Variants in CCDC112 observed in about 807,000 individuals in gnomAD.
The protein encoded by CCDC112 is coiled-coil domain-containing protein 112.
Under a neutral mutation model 66.3 loss-of-function variants are expected in CCDC112, and 40 were observed. The ratio of observed to expected loss-of-function variants is 0.60; its 90% confidence interval spans 0.47 to 0.79. The LOEUF (loss-of-function observed/expected upper bound fraction) is 0.79. Among genes scored for constraint, CCDC112 ranks in the 30% least tolerant of loss-of-function variants. The pLI is 0.00. For synonymous variants in CCDC112, 214 were observed against 197.2 expected, an observed-to-expected ratio of 1.09 and a Z score of -0.71; for missense variants, 659 against 603.8, an observed-to-expected ratio of 1.09 and a Z score of -0.96.
chr5:115,284,323 C>G (rs987799656), intron 2 of CCDC112, among the ~76,000 whole-genome samples: 4 of 152,090 alleles, frequency 2.6e-5, no homozygotes, highest in Non-Finnish European at 1.5e-5. Flanking sequence ...CTATGATCCT[C>G]AACATCCTCA....
Position 115,268,637 on chromosome 5 carries a change from A to T in CCDC112, c.1547+245T>A, listed in dbSNP as rs185937204. 6.1e-5 allele frequency among the ~76,000 whole-genome samples: 9 copies of T among 147,608 alleles called. No homozygotes were observed. The East Asian group carries it at 9.8e-4, about 16-fold the overall frequency. ...ACCTGAAAGGCAAATATATATATAT[A>T]TTTTTCATATATATATGAAAAAATA... On this transcript the variant is annotated intron_variant, in intron 9 of 9. Transcript: ENST00000379611.
chr5:115,295,910 C>T, intron 1 of CCDC112: 1 of 985,626 alleles, frequency 1.0e-6, no homozygotes, highest in Non-Finnish European at 1.2e-6. Flanking sequence ...ACAAAGATAC[C>T]TTGTCCTCAC....
intron 2 of CCDC112, 147 bp downstream of exon 2, chr5:115,284,640 C>A (rs1030279336): frequency 2.0e-5 from 10 of 512,534 alleles, no homozygotes; most frequent in Non-Finnish European, 3.4e-5. Context: ...TCATACCTCC[C>A]ATCTTTCTCT....
chr5:115,294,329 TG>T (rs983133711), intron 1 of CCDC112, among the ~76,000 whole-genome samples: 1 of 152,178 alleles, frequency 6.6e-6, no homozygotes, highest in East Asian at 1.9e-4. Context: ...GTCATTAAGG[TG>T]GGGACCTAAT....
At chr5:115,295,717 G>A (rs538092859) in intron 1 of CCDC112, among the ~76,000 whole-genome samples, 11 of 152,236 alleles carry the variant, frequency 7.2e-5, no homozygotes, top group African/African-American at 2.6e-4. Flanking sequence ...TTCTCATGGG[G>A]GTGCGAGGGA....
Position 115,296,463 on chromosome 5 carries a change from G to A in CCDC112, c.81C>T (p.Thr27=). 3 of 1,559,250 alleles carry A rather than the reference G, an allele frequency of 1.9e-6. No individual in the cohort carries two copies. Among genetic ancestry groups the A allele is most frequent in the Middle Eastern group, 2.0e-4 (1 of 4,918 alleles). The change falls in exon 1 of 10, where the codon ACC becomes ACT. Residue 27 remains threonine (T), a synonymous_variant. Transcript: ENST00000379611. ...AGAVAGAGAA[T]GTGVGATPAP... Reference sequence around the variant, plus strand: ...CTGGCGTCGCTCCCACGCCGGTCCCGGTGGCCGCGCCCGCCCCTGCCACAG... The same window carrying A: ...CTGGCGTCGCTCCCACGCCGGTCCCAGTGGCCGCGCCCGCCCCTGCCACAG...
intron 1 of CCDC112, among the ~76,000 whole-genome samples, chr5:115,287,006 G>A (rs1251704166): frequency 2.0e-5 from 3 of 152,076 alleles, no homozygotes; most frequent in Non-Finnish European, 4.4e-5. Flanking sequence ...TTAGACATAC[G>A]ACTTGTAAAT....
chr5:115,269,047 T>A (rs750229658), intron 8 of CCDC112, 47 bp from the exon 9 acceptor site: 20 of 1,109,564 alleles, frequency 1.8e-5, no homozygotes, highest in Middle Eastern at 4.0e-4. Flanking sequence ...CAAACTCAGT[T>A]TGTACTAGTA....
At chr5:115,270,286 G>A (rs528429415) in intron 7 of CCDC112, among the ~76,000 whole-genome samples, 20 of 152,068 alleles carry the variant, frequency 1.3e-4, no homozygotes, top group Admixed American at 3.3e-4. Flanking sequence ...GTTTTTGTCC[G>A]TTATTTTTCT....
intron 1 of CCDC112, among the ~76,000 whole-genome samples, chr5:115,290,357 C>T (rs1029320640): frequency 4.6e-5 from 7 of 152,104 alleles, no homozygotes; most frequent in African/African-American, 1.7e-4. Context: ...TATGCCAGTA[C>T]CATAGTTTGA....
At chr5:115,274,216 A>G (rs554856390) in intron 6 of CCDC112, among the ~76,000 whole-genome samples, 23 of 152,302 alleles carry the variant, frequency 1.5e-4, no homozygotes, top group African/African-American at 5.3e-4. Flanking sequence ...ATAATTAAGG[A>G]GACATTATAA....
In CCDC112 at chr5:115,267,832, T is replaced by C. The variant is rs990795257; in HGVS notation, c.*44A>G. ...TAGTCACTCTCTCCCTGGTATAACTTAGTATGTTAACATTCTTATCAACTG... is the reference window on the plus strand; with the variant it reads ...TAGTCACTCTCTCCCTGGTATAACTCAGTATGTTAACATTCTTATCAACTG... On this transcript the variant is annotated 3_prime_UTR_variant, in exon 10 of 10. Transcript: ENST00000379611. 6.9e-7 allele frequency: 1 copy of C among 1,444,364 alleles called. No individual in the cohort carries two copies. The highest frequency in any genetic ancestry group is 9.7e-7 in the Non-Finnish European group (1 of 1,026,032). The allele number at this position is 1,444,364 out of a possible 1,614,324, so 89.5% of individuals were successfully genotyped here.
At chr5:115,275,957 G>A (rs1393950986) in intron 5 of CCDC112, 37 bp downstream of exon 5, 8 of 1,375,640 alleles carry the variant, frequency 5.8e-6, no homozygotes, top group Middle Eastern at 1.9e-4. Flanking sequence ...AAAAATAAAG[G>A]TCAATAATTT....
At chr5:115,272,658 C>T (rs1749055886) in intron 6 of CCDC112, among the ~76,000 whole-genome samples, 1 of 152,190 alleles carries the variant, frequency 6.6e-6, no homozygotes, top group Admixed American at 6.5e-5. Context: ...GCAGGCTTCT[C>T]CATGCCATTT....
Position 115,296,385 on chromosome 5 carries a change from C to T in CCDC112, c.117+42G>A, listed in dbSNP as rs766170145. 28 of 1,545,256 alleles carry T rather than the reference C, an allele frequency of 1.8e-5. No homozygotes were observed. The East Asian group carries it at 5.5e-4, about 30-fold the overall frequency. ...CCTGTTCAGCCAGGGCCTGCAGCCC[C>T]TCGCCTGCCGCCAGAGCAGCTCTCG... is the stretch of plus-strand genomic sequence containing the variant. On this transcript the variant is annotated intron_variant, in intron 1 of 9. Coordinates refer to ENST00000379611, the MANE Select transcript of CCDC112 (RefSeq NM_001040440.3).
chr5:115,290,325 CTA>C (rs1749868442), intron 1 of CCDC112, among the ~76,000 whole-genome samples: 1 of 152,184 alleles, frequency 6.6e-6, no homozygotes, highest in Admixed American at 6.5e-5. Context: ...TCTCATTGAT[CTA>C]TATGTCTATT....
chr5:115,267,943 T>C (rs765184666), intron 9 of CCDC112, 25 bp from the exon 10 acceptor site: 5 of 1,584,302 alleles, frequency 3.2e-6, no homozygotes, highest in East Asian at 2.2e-5. Context: ...AGAAAAGCAA[T>C]TGTAAATATG....
At chr5:115,290,182 G>C (rs531727569) in intron 1 of CCDC112, among the ~76,000 whole-genome samples, 1 of 152,272 alleles carries the variant, frequency 6.6e-6, no homozygotes, top group Non-Finnish European at 1.5e-5. Context: ...TATGGTGTGA[G>C]GTAGTTCAGC....
In CCDC112 at chr5:115,276,015, A is replaced by G; in HGVS notation, c.506T>C (p.Phe169Ser). 2 of 1,604,600 alleles carry G rather than the reference A, an allele frequency of 1.2e-6. No homozygotes were observed. Among genetic ancestry groups the G allele is most frequent in the Non-Finnish European group, 1.7e-6 (2 of 1,174,512 alleles). The change falls in exon 5 of 10, where the codon TTT becomes TCT. Residue 169 changes from phenylalanine (F) to serine (S), a missense_variant. Transcript: ENST00000379611. The stretch of plus-strand genomic sequence containing the variant: ...ATACATCAACCTCTGCTCTTCTTTA[A>G]AAGTGTTAATTGCATTTTCAATTTC... Reference protein sequence around the residue: ...MEEIENAINTFKEEQRLIYEE... With the variant: ...MEEIENAINTSKEEQRLIYEE...
Sources: gnomAD v4.1 joint callset for allele counts (sites outside exome capture counted in the v4.1 genomes callset) on GRCh38, gnomAD v4.1.1 for gene constraint, MANE v1.5 for transcripts, NCBI Gene and HGNC (gene_info 2026-07-23, HGNC 2026-07-21) for gene names.